APOBEC3D: variants seen among roughly 807,000 people sequenced by gnomAD.
APOBEC3D encodes the protein DNA dC->dU-editing enzyme APOBEC-3D.
In APOBEC3D, 37 loss-of-function variants were observed where a neutral mutation model predicts 45.6. That is an observed-to-expected ratio of 0.81 (90% CI 0.62 to 1.07). The LOEUF (loss-of-function observed/expected upper bound fraction) is 1.07, where lower values mean the gene tolerates loss of function less well. APOBEC3D is among the 50% of genes least tolerant of loss of function. The pLI, the probability that APOBEC3D is intolerant of heterozygous loss-of-function variation, is 0.00. For synonymous variants in APOBEC3D, 175 were observed against 180.7 expected (o/e 0.97, Z 0.25); for missense variants, 496 against 495.3 (o/e 1.00, Z -0.01).
chr22:39,030,422 G>A (rs1481022186), intron 5 of APOBEC3D, among the ~76,000 whole-genome samples: 2 of 152,256 alleles, frequency 1.3e-5, no homozygotes, highest in African/African-American at 2.4e-5. Flanking sequence ...GGATGGAAGC[G>A]CAAGTGTTTC....
At chr22:39,029,633 A>G in intron 5 of APOBEC3D, 114 bp downstream of exon 5, 3 of 1,194,736 alleles carry the variant, frequency 2.5e-6, no homozygotes, top group Admixed American at 3.3e-5. Flanking sequence ...TTCCTCTTAC[A>G]TTTCTTTCTT....
Position 39,029,328 on chromosome 22 carries a change from ATC to A in APOBEC3D, c.606-31_606-30del, listed in dbSNP as rs1253100428. 8 of 1,611,004 alleles carry A rather than the reference ATC, an allele frequency of 5.0e-6. No homozygotes were observed. The African/African-American group carries it at 9.4e-5, about 19-fold the overall frequency. On this transcript the variant is annotated intron_variant, in intron 4 of 6. Transcript: ENST00000216099. ...GTTCAGTGGGCATCAGCTCCGAGGA[ATC>A]TCTGCACTGGGGTTTCTCTCTTGTG...
Position 39,022,837 on chromosome 22 carries a change from G to A in APOBEC3D, c.33G>A (p.Arg11=). 1.9e-6 allele frequency: 3 copies of A among 1,607,918 alleles called. No homozygotes were observed. Among genetic ancestry groups the A allele is most frequent in the Non-Finnish European group, 2.5e-6 (3 of 1,177,740 alleles). The change falls in exon 2 of 7, where the codon CGG becomes CGA. Residue 11 remains arginine (R), a synonymous_variant. Transcript: ENST00000216099. MNPQIRNPME[R]MYRDTFYDNF... Reference sequence around the variant, plus strand: ...GTGCCTTCAGAAATCCGATGGAGCGGATGTATCGAGACACATTCTACGACA... The same window carrying A: ...GTGCCTTCAGAAATCCGATGGAGCGAATGTATCGAGACACATTCTACGACA...
chr22:39,029,495 G>A lies in APOBEC3D; in HGVS notation c.738G>A (p.Arg246=), dbSNP rs775312236. 4 of 1,614,076 alleles carry A rather than the reference G, an allele frequency of 2.5e-6. No individual in the cohort carries two copies. In the Admixed American group the frequency reaches 6.7e-5, roughly 27 times the overall value. ...CAAAGCACCACTCAGCTGTCTTCCG[G>A]AAGAGGGGCGTCTTCCGAAACCAGG... ...EVTKHHSAVF[R]KRGVFRNQVD... The change falls in exon 5 of 7, where the codon CGG becomes CGA. Residue 246 remains arginine, a synonymous_variant. Coordinates refer to ENST00000216099, the MANE Select transcript of APOBEC3D (RefSeq NM_152426.4).
intron 2 of APOBEC3D, among the ~76,000 whole-genome samples, chr22:39,024,225 T>A (rs1925408803): frequency 6.6e-6 from 1 of 152,258 alleles, no homozygotes; most frequent in African/African-American, 2.4e-5. Flanking sequence ...TGGTGTATTT[T>A]TGATGTGCCG....
rs143860905 is a variant in APOBEC3D at position 39,025,131 on chromosome 22, G to A, written c.272G>A (p.Arg91Gln). The change falls in exon 3 of 7, where the codon CGA becomes CAA. Residue 91 changes from arginine (R) to glutamine (Q), a missense_variant. Transcript: ENST00000216099. ...TTCTTATCTTGGTTCTGTGGCAACC[G>A]ACTGCCTGCTAACAGGCGCTTCCAG... Reference protein sequence around the residue: ...MCFLSWFCGNRLPANRRFQIT... With the variant: ...MCFLSWFCGNQLPANRRFQIT... The A allele has an allele frequency of 1.7e-5, 27 of 1,612,914 alleles. No individual in the cohort carries two copies. The highest frequency in any genetic ancestry group is 1.1e-4 in the African/African-American group (8 of 74,948).
chr22:39,021,151 A>C lies in APOBEC3D; in HGVS notation c.-369A>C. 2 of 158,224 alleles carry C rather than the reference A, an allele frequency of 1.3e-5. No homozygotes were observed. The highest frequency in any genetic ancestry group is 1.3e-4 in the South Asian group (1 of 7,514). The allele number at this position is 158,224 out of a possible 1,614,324, so 9.8% of individuals were successfully genotyped here. A position where few individuals can be genotyped will look rare whatever the true frequency, so the allele number is the denominator to read the frequency against. ...GAGAGGAAGCCTCGCTCTCTCACCCAGGCTGGAGTGCAGTGGCAGGAACTT... is the reference window on the plus strand; with the variant it reads ...GAGAGGAAGCCTCGCTCTCTCACCCCGGCTGGAGTGCAGTGGCAGGAACTT... On this transcript the variant is annotated 5_prime_UTR_variant, in exon 1 of 7. Coordinates refer to ENST00000216099, the MANE Select transcript of APOBEC3D (RefSeq NM_152426.4).
chr22:39,023,699 T>C (rs1430231714), intron 2 of APOBEC3D, among the ~76,000 whole-genome samples: 2 of 152,116 alleles, frequency 1.3e-5, no homozygotes, highest in African/African-American at 4.8e-5. Flanking sequence ...TCCACCCAAC[T>C]CGGCCTCTGA....
intron 5 of APOBEC3D, among the ~76,000 whole-genome samples, chr22:39,029,980 G>A (rs913297727): frequency 5.9e-5 from 9 of 151,774 alleles, no homozygotes. Context: ...GATTGTCGAG[G>A]GGTTTTGCCT....
intron 4 of APOBEC3D, among the ~76,000 whole-genome samples, chr22:39,027,925 G>A (rs1925841086): frequency 6.6e-6 from 1 of 152,240 alleles, no homozygotes; most frequent in African/African-American, 2.4e-5. Flanking sequence ...CCTTGGGAGG[G>A]TGCTCCCTCT....
rs554294181 is a variant in APOBEC3D at position 39,021,297 on chromosome 22, G to A, written c.-223G>A. 63 of 510,116 alleles carry A rather than the reference G, an allele frequency of 1.2e-4. No homozygotes were observed. Among genetic ancestry groups the A allele is most frequent in the Middle Eastern group, 4.7e-4 (1 of 2,124 alleles). The allele number at this position is 510,116 out of a possible 1,614,324, so 31.6% of individuals were successfully genotyped here. A position where few individuals can be genotyped will look rare whatever the true frequency, so the allele number is the denominator to read the frequency against. ...TAATTTTTGTATTTTTAGTAGAGAC[G>A]GGGTTTCTCCATGTTGGTCAGGCTG... is the stretch of plus-strand genomic sequence containing the variant. On this transcript the variant is annotated 5_prime_UTR_variant, in exon 1 of 7. Coordinates refer to ENST00000216099, the MANE Select transcript of APOBEC3D (RefSeq NM_152426.4).
chr22:39,022,909 G>A lies in APOBEC3D; in HGVS notation c.105G>A (p.Leu35=), dbSNP rs763265339. The A allele has an allele frequency of 2.9e-5, 46 of 1,613,600 alleles. No homozygotes were observed. Among genetic ancestry groups the A allele is most frequent in the Non-Finnish European group, 3.5e-5 (41 of 1,179,998 alleles). Residue 35 remains leucine, a synonymous_variant, in exon 2 of 7, where the codon CTG becomes CTA. Transcript: ENST00000216099. ...PILYGRSYTW[L]CYEVKIKRGR... is the part of the protein sequence containing the mutation. ...TCTATGGTCGGAGCTACACTTGGCTGTGCTATGAAGTGAAAATAAAGAGGG... is the reference window on the plus strand; with the variant it reads ...TCTATGGTCGGAGCTACACTTGGCTATGCTATGAAGTGAAAATAAAGAGGG...
intron 4 of APOBEC3D, 43 bp downstream of exon 4, chr22:39,025,714 T>G (rs566220681): frequency 1.2e-6 from 2 of 1,613,294 alleles, no homozygotes; most frequent in Non-Finnish European, 1.7e-6. Flanking sequence ...TCCTCTCGCC[T>G]CCTGCTCATC....
Position 39,032,458 on chromosome 22 carries a change from C to G in APOBEC3D, c.*142C>G, listed in dbSNP as rs1926320341. On this transcript the variant is annotated 3_prime_UTR_variant, in exon 7 of 7. Coordinates refer to ENST00000216099, the MANE Select transcript of APOBEC3D (RefSeq NM_152426.4). ...CCTCAGGGCCATTCCATAGTGCCCC[C>G]CTGCCTCACCACCTCCTCCCCGCTC... 2.7e-6 allele frequency: 4 copies of G among 1,480,636 alleles called. No individual in the cohort carries two copies. The East Asian group carries it at 7.0e-5, about 26-fold the overall frequency. The allele number at this position is 1,480,636 out of a possible 1,614,324, so 91.7% of individuals were successfully genotyped here.
At position 39,029,420 on chromosome 22, in the gene APOBEC3D, G is replaced by C. The variant is rs769426665; in HGVS notation, c.663G>C (p.Leu221=). 4 of 1,614,194 alleles carry C rather than the reference G, an allele frequency of 2.5e-6. No individual in the cohort carries two copies. The highest frequency in any genetic ancestry group is 1.7e-5 in the Admixed American group (1 of 60,020). The change falls in exon 5 of 7, where the codon CTG becomes CTC. Residue 221 remains leucine (L), a synonymous_variant. Coordinates refer to ENST00000216099, the MANE Select transcript of APOBEC3D (RefSeq NM_152426.4). The part of the protein sequence containing the change: ...HIFYFHFKNL[L]KACGRNESWL... ...TCTACTTCCACTTTAAAAACCTACT[G>C]AAAGCCTGTGGTCGGAACGAAAGCT...
At chr22:39,023,132 T>TATTTATTTATTTATTTATTTATTA in intron 2 of APOBEC3D, 118 bp downstream of exon 2, 1 of 676,738 alleles carries the variant, frequency 1.5e-6, no homozygotes, top group Non-Finnish European at 2.0e-6. Context: ...TTTATTTATT[T>TATTTATTTATTTATTTATTTATTA]TGAGACAGAG....
At chr22:39,031,662 C>G in intron 5 of APOBEC3D, 32 bp from the exon 6 acceptor site, 1 of 1,610,004 alleles carries the variant, frequency 6.2e-7, no homozygotes, top group African/African-American at 1.3e-5. Context: ...CTGGTCTGAG[C>G]TCCCCCTGCC....
intron 4 of APOBEC3D, 98 bp from the exon 5 acceptor site, chr22:39,029,265 G>A: frequency 7.3e-7 from 1 of 1,366,324 alleles, no homozygotes; most frequent in Non-Finnish European, 1.0e-6. Flanking sequence ...GTGGAGGGAT[G>A]GGAGAGGCCC....
chr22:39,032,746 C>T lies in APOBEC3D; in HGVS notation c.*430C>T, dbSNP rs2146330029. On this transcript the variant is annotated 3_prime_UTR_variant, in exon 7 of 7. Transcript: ENST00000216099. ...TAGCTGGGATTACAGATGCCTGCCA[C>T]CACGCCCAGCTAATTTTTTTTTTTT... is the stretch of plus-strand genomic sequence containing the variant. The T allele has an allele frequency of 3.5e-6, 1 of 284,812 alleles. No homozygotes were observed. Among genetic ancestry groups the T allele is most frequent in the African/African-American group, 2.3e-5 (1 of 43,094 alleles). 17.6% of individuals were successfully genotyped at this position (284,812 alleles called of 1,614,324 possible).
Sources: gnomAD v4.1 joint callset for allele counts (sites outside exome capture counted in the v4.1 genomes callset) on GRCh38, gnomAD v4.1.1 for gene constraint, MANE v1.5 for transcripts, NCBI Gene and HGNC (gene_info 2026-07-23, HGNC 2026-07-21) for gene names.